FAM178B: variants seen among roughly 807,000 people sequenced by gnomAD.
FAM178B encodes family with sequence similarity 178 member B.
In FAM178B, 82 loss-of-function variants were observed where a neutral mutation model predicts 91.7. The ratio of observed to expected loss-of-function variants is 0.89; its 90% confidence interval spans 0.75 to 1.07. FAM178B has a LOEUF of 1.07. Among genes scored for constraint, FAM178B ranks in the 50% least tolerant of loss-of-function variants. The pLI, the probability that FAM178B is intolerant of heterozygous loss-of-function variation, is 0.00. For synonymous variants in FAM178B, 368 were observed against 359.4 expected (o/e 1.02, Z -0.27); for missense variants, 769 against 846.7 (o/e 0.91, Z 1.14).
intron 2 of FAM178B, 33 bp downstream of exon 2, chr2:96,972,505 G>A (rs2082236157): frequency 6.5e-7 from 1 of 1,548,912 alleles, no homozygotes; most frequent in Admixed American, 2.0e-5. Context: ...AAACCTCAGT[G>A]GGGATTTACC....
At chr2:96,980,382 T>C (rs573953333) in intron 1 of FAM178B, among the ~76,000 whole-genome samples, 39 of 151,282 alleles carry the variant, frequency 2.6e-4, no homozygotes, top group African/African-American at 7.8e-4. Context: ...GGTCTCCTTA[T>C]GTAATTTAAA....
chr2:96,880,076 T>C (rs1233947468), intron 14 of FAM178B, among the ~76,000 whole-genome samples: 2 of 152,186 alleles, frequency 1.3e-5, no homozygotes, highest in African/African-American at 4.8e-5. Flanking sequence ...AGAAAGATAC[T>C]TCAGGAGGGC....
At chr2:96,896,219 C>T (rs544936768) in intron 13 of FAM178B, among the ~76,000 whole-genome samples, 2 of 152,182 alleles carry the variant, frequency 1.3e-5, no homozygotes, top group East Asian at 1.9e-4. Flanking sequence ...TGGGCAGGGG[C>T]GCACAGGACA....
chr2:96,894,502 C>T, intron 13 of FAM178B, among the ~76,000 whole-genome samples: 1 of 129,774 alleles, frequency 7.7e-6, no homozygotes, highest in Non-Finnish European at 1.7e-5. Context: ...ATTCACCCAC[C>T]CACCCACATA....
chr2:96,944,341 G>A (rs979108343), intron 8 of FAM178B, among the ~76,000 whole-genome samples: 1 of 151,886 alleles, frequency 6.6e-6, no homozygotes, highest in African/African-American at 2.4e-5. Context: ...AGACATAGCC[G>A]TGATGTTCAA....
Position 96,967,911 on chromosome 2 carries a change from C to CTTTTTTTTTTTTTTTTTTT in FAM178B, c.627-303_627-285dup, listed in dbSNP as rs60965536. Among the ~76,000 whole-genome samples the CTTTTTTTTTTTTTTTTTTT allele has an allele frequency of 1.1e-3, 70 of 62,438 alleles. 13 individuals are homozygous for CTTTTTTTTTTTTTTTTTTT. Among genetic ancestry groups the CTTTTTTTTTTTTTTTTTTT allele is most frequent in the Non-Finnish European group, 1.6e-3 (53 of 33,240 alleles). 41.0% of individuals were successfully genotyped at this position (62,438 alleles called of 152,430 possible). ...TCTTTACTTGTGTACCCTGTTTGGT[C>CTTTTTTTTTTTTTTTTTTT]TTTTTTTTTTTTTTTTTTTTTTTTT... is the stretch of plus-strand genomic sequence containing the variant. On this transcript the variant is annotated intron_variant, in intron 4 of 16. Coordinates refer to ENST00000490605, the MANE Select transcript of FAM178B (RefSeq NM_001122646.3).
At position 96,967,572 on chromosome 2, in the gene FAM178B, G is replaced by A; in HGVS notation, c.682C>T (p.Leu228Phe). ...TCTTCATCAAGATCCAAGGAGTTGA[G>A]ATTGAGACACTCCTGCAGAAGCAGC... Reference protein sequence around the residue: ...ERLLLQECLNLNSLDLDEEEV... With the variant: ...ERLLLQECLNFNSLDLDEEEV... The change falls in exon 5 of 17, where the codon CTC becomes TTC. Residue 228 changes from leucine to phenylalanine, a missense_variant. Leu to Phe is a conservative substitution (Grantham distance 22). Coordinates refer to ENST00000490605, the MANE Select transcript of FAM178B (RefSeq NM_001122646.3). The A allele has an allele frequency of 1.9e-6, 3 of 1,550,776 alleles. No individual in the cohort carries two copies. Among genetic ancestry groups the A allele is most frequent in the Non-Finnish European group, 1.7e-6 (2 of 1,146,920 alleles).
intron 9 of FAM178B, among the ~76,000 whole-genome samples, chr2:96,926,266 C>T (rs1245047004): frequency 6.6e-6 from 1 of 152,134 alleles, no homozygotes; most frequent in Non-Finnish European, 1.5e-5. Flanking sequence ...GGCATCACTG[C>T]ACTCCAGCCT....
chr2:96,923,722 A>G (rs184217859), intron 9 of FAM178B, 139 bp from the exon 10 acceptor site: 3 of 634,578 alleles, frequency 4.7e-6, no homozygotes, highest in Admixed American at 4.5e-5. Context: ...AGATGATCTC[A>G]TGAGTTTCTG....
intron 1 of FAM178B, among the ~76,000 whole-genome samples, chr2:96,972,895 G>A (rs549225836): frequency 8.8e-4 from 134 of 151,998 alleles, no homozygotes; most frequent in African/African-American, 3.0e-3. Flanking sequence ...TTGGCTCACT[G>A]CAACCTCTGC....
At chr2:96,891,412 C>G (rs1243854938) in intron 14 of FAM178B, among the ~76,000 whole-genome samples, 1 of 152,202 alleles carries the variant, frequency 6.6e-6, no homozygotes, top group African/African-American at 2.4e-5. Flanking sequence ...AGATGGCACA[C>G]AGGAGGCAGC....
At chr2:96,916,369 T>C (rs1417937594) in intron 12 of FAM178B, among the ~76,000 whole-genome samples, 1 of 152,174 alleles carries the variant, frequency 6.6e-6, no homozygotes, top group African/African-American at 2.4e-5. Context: ...CGTGAGCCGT[T>C]TTACGCAGGC....
chr2:96,919,211 G>C (rs1217976450), intron 12 of FAM178B, among the ~76,000 whole-genome samples: 2 of 152,210 alleles, frequency 1.3e-5, no homozygotes, highest in Non-Finnish European at 2.9e-5. Flanking sequence ...GGTTTATTGT[G>C]TGTATGTGTG....
At chr2:96,905,207 T>C (rs1189214875) in intron 12 of FAM178B, among the ~76,000 whole-genome samples, 2 of 152,170 alleles carry the variant, frequency 1.3e-5, no homozygotes, top group African/African-American at 4.8e-5. Flanking sequence ...CACTGAGCCA[T>C]ACACTTAACT....
intron 9 of FAM178B, among the ~76,000 whole-genome samples, chr2:96,927,777 G>A (rs1413264529): frequency 6.6e-6 from 1 of 152,182 alleles, no homozygotes; most frequent in Admixed American, 6.5e-5. Flanking sequence ...CAGTGGCTAT[G>A]TCTCCAGTGC....
intron 6 of FAM178B, chr2:96,951,760 C>T (rs1229502723): frequency 2.9e-5 from 10 of 342,696 alleles, no homozygotes; most frequent in African/African-American, 8.5e-5. Context: ...CAGTGGCTCA[C>T]GCCTGTAATC....
chr2:96,911,732 TGAG>T (rs756299812), intron 12 of FAM178B, among the ~76,000 whole-genome samples: 15 of 150,644 alleles, frequency 1.0e-4, no homozygotes, highest in Admixed American at 9.3e-4. Flanking sequence ...ACAGGGAGGG[TGAG>T]GAGGAATGAG....
chr2:96,958,929 G>A (rs547558252), intron 6 of FAM178B, among the ~76,000 whole-genome samples: 3 of 151,528 alleles, frequency 2.0e-5, no homozygotes, highest in African/African-American at 7.3e-5. Context: ...GGCTGGACAC[G>A]GTGGCTCATG....
At chr2:96,879,316 G>C (rs1414256932) in intron 14 of FAM178B, among the ~76,000 whole-genome samples, 1 of 152,188 alleles carries the variant, frequency 6.6e-6, no homozygotes, top group Non-Finnish European at 1.5e-5. Context: ...CCCCGAGGAC[G>C]AGTAGGGGTG....
Sources: allele counts gnomAD v4.1 joint callset (sites outside exome capture counted in the v4.1 genomes callset), GRCh38; gene constraint gnomAD v4.1.1; transcripts MANE v1.5; gene names NCBI Gene and HGNC (gene_info 2026-07-23, HGNC 2026-07-21).